The following DPYSL3 variants were observed in gnomAD, a reference collection of about 807,000 sequenced individuals.
DPYSL3 encodes the protein dihydropyrimidinase-related protein 3.
A neutral mutation model predicts 66.1 loss-of-function variants in DPYSL3; 16 were observed. The ratio of observed to expected loss-of-function variants is 0.24; its 90% confidence interval spans 0.16 to 0.37. The LOEUF (loss-of-function observed/expected upper bound fraction) is 0.37. Ranked by LOEUF, DPYSL3 falls within the 10% of genes least tolerant of loss-of-function variation. The pLI is 1.00. For missense variants in DPYSL3, 738 were observed against 916.2 expected (o/e 0.81, Z 2.51); for synonymous variants, 338 against 345.1 (o/e 0.98, Z 0.23).
chr5:147,469,869 T>C (rs918673065), intron 1 of DPYSL3, among the ~76,000 whole-genome samples: 2 of 152,200 alleles, frequency 1.3e-5, no homozygotes, highest in Non-Finnish European at 2.9e-5. Context: ...AGCGCCTCAG[T>C]TACAATACAG....
intron 1 of DPYSL3, among the ~76,000 whole-genome samples, chr5:147,433,772 G>A (rs1417958736): frequency 1.3e-5 from 2 of 152,172 alleles, no homozygotes; most frequent in Non-Finnish European, 2.9e-5. Context: ...AGTGGCTCAC[G>A]CCTGTAATCC....
chr5:147,395,993 G>A lies in DPYSL3; in HGVS notation c.1804-272C>T, dbSNP rs569818572. On this transcript the variant is annotated intron_variant, in intron 12 of 13. Coordinates refer to ENST00000343218, the MANE Select transcript of DPYSL3 (RefSeq NM_001197294.2). ...CGTTGCTATGGGGTTGGGGTTGCCA[G>A]AGGGAGGAGGTTGGAGGGATACCGG... is the stretch of plus-strand genomic sequence containing the variant. Among the ~76,000 whole-genome samples the A allele has an allele frequency of 1.4e-4, 22 of 152,280 alleles. No individual in the cohort carries two copies. The South Asian group carries it at 2.3e-3, about 16-fold the overall frequency.
At chr5:147,449,248 G>A (rs1017109968) in intron 1 of DPYSL3, among the ~76,000 whole-genome samples, 3 of 152,052 alleles carry the variant, frequency 2.0e-5, no homozygotes, top group South Asian at 2.1e-4. Flanking sequence ...TCACTTCTCC[G>A]AAAAAGAAAA....
At chr5:147,441,211 A>G (rs949205823) in intron 1 of DPYSL3, among the ~76,000 whole-genome samples, 1 of 152,168 alleles carries the variant, frequency 6.6e-6, no homozygotes, top group Non-Finnish European at 1.5e-5. Context: ...ATAACAAAGT[A>G]CCACAGGCTG....
At chr5:147,444,203 A>C (rs1192418262) in intron 1 of DPYSL3, among the ~76,000 whole-genome samples, 1 of 152,140 alleles carries the variant, frequency 6.6e-6, no homozygotes, top group Non-Finnish European at 1.5e-5. Flanking sequence ...AAGTCACATA[A>C]ACTTAAGTTT....
chr5:147,400,689 T>A lies in DPYSL3; in HGVS notation c.1452+3A>T. On this transcript the variant is annotated splice_donor_region_variant and intron_variant, in intron 10 of 13. Transcript: ENST00000343218. Reference sequence around the variant, plus strand: ...CCACCCTCCCATGACCTCCATGCCTTACCACAGCCTTGTCCCAGATGACAG... The same window carrying A: ...CCACCCTCCCATGACCTCCATGCCTAACCACAGCCTTGTCCCAGATGACAG... 1 of 1,613,918 alleles carries A rather than the reference T, an allele frequency of 6.2e-7. No homozygotes were observed. The highest frequency in any genetic ancestry group is 2.2e-5 in the East Asian group (1 of 44,882).
At chr5:147,433,793 G>A (rs531363185) in intron 1 of DPYSL3, among the ~76,000 whole-genome samples, 1 of 152,276 alleles carries the variant, frequency 6.6e-6, no homozygotes, top group African/African-American at 2.4e-5. Context: ...CAGCACTCTG[G>A]GCGGCCAAGG....
chr5:147,450,810 C>T (rs551896419), intron 1 of DPYSL3, among the ~76,000 whole-genome samples: 1 of 152,298 alleles, frequency 6.6e-6, no homozygotes, highest in Admixed American at 6.5e-5. Context: ...AGACTGCCCC[C>T]ACTAGTCCTC....
intron 1 of DPYSL3, among the ~76,000 whole-genome samples, chr5:147,498,046 A>G (rs1363417065): frequency 6.6e-6 from 1 of 151,800 alleles, no homozygotes. Context: ...CACTAAGCCT[A>G]GTACTCATTA....
intron 2 of DPYSL3, 60 bp from the exon 3 acceptor site, chr5:147,418,691 C>T: frequency 4.1e-6 from 6 of 1,454,158 alleles, no homozygotes; most frequent in Non-Finnish European, 5.6e-6. Context: ...AGTGCAATTT[C>T]CAAGACAAAT....
intron 13 of DPYSL3, 123 bp downstream of exon 13, chr5:147,395,436 T>TTG (rs1325277213): frequency 1.6e-6 from 2 of 1,214,408 alleles, no homozygotes; most frequent in African/African-American, 3.0e-5. Context: ...CTCCCTAAAG[T>TTG]TGACACCAGT....
intron 1 of DPYSL3, among the ~76,000 whole-genome samples, chr5:147,478,312 T>C (rs1372115541): frequency 6.6e-6 from 1 of 152,208 alleles, no homozygotes; most frequent in Non-Finnish European, 1.5e-5. Context: ...CTGGAACATG[T>C]AGTTTTTTAA....
intron 1 of DPYSL3, among the ~76,000 whole-genome samples, chr5:147,454,526 C>G (rs926687562): frequency 2.0e-5 from 3 of 152,232 alleles, no homozygotes; most frequent in African/African-American, 7.2e-5. Flanking sequence ...TAAAGAAACT[C>G]CACTGCCTGA....
chr5:147,438,710 C>G (rs1015139226), intron 1 of DPYSL3, among the ~76,000 whole-genome samples: 1 of 152,188 alleles, frequency 6.6e-6, no homozygotes, highest in Non-Finnish European at 1.5e-5. Context: ...TGTGATGTGT[C>G]TCTGCTCAGA....
intron 1 of DPYSL3, among the ~76,000 whole-genome samples, chr5:147,430,267 G>A (rs1478150470): frequency 1.8e-4 from 27 of 152,114 alleles, no homozygotes; most frequent in Admixed American, 5.2e-4. Flanking sequence ...AGGCCGAGGC[G>A]GGTGGGTCAC....
Position 147,397,696 on chromosome 5 carries a change from A to G in DPYSL3, c.1773T>C (p.Tyr591=), listed in dbSNP as rs1758033133. The G allele has an allele frequency of 2.0e-5, 33 of 1,614,118 alleles. No homozygotes were observed. The highest frequency in any genetic ancestry group is 2.8e-5 in the Non-Finnish European group (33 of 1,180,010). ...RFIPCSPFSD[Y]VYKRIKARRK... ...TCCGTGCTTTAATGCGCTTGTAGAC[A>G]TAGTCGGAGAACGGGCTGCAGGGTA... Residue 591 remains tyrosine (Y), a synonymous_variant, in exon 12 of 14, where the codon TAT becomes TAC. Transcript: ENST00000343218.
chr5:147,398,336 A>G (rs1758058751), intron 11 of DPYSL3, among the ~76,000 whole-genome samples: 1 of 152,210 alleles, frequency 6.6e-6, no homozygotes. Context: ...AATTAAGAAC[A>G]TCAGTTTAGA....
At chr5:147,420,470 C>G (rs1561781156) in intron 2 of DPYSL3, among the ~76,000 whole-genome samples, 1 of 152,084 alleles carries the variant, frequency 6.6e-6, no homozygotes. Flanking sequence ...TATCTCAGTT[C>G]CCCTAAAAGA....
intron 1 of DPYSL3, among the ~76,000 whole-genome samples, chr5:147,427,453 G>A (rs1752218268): frequency 6.6e-6 from 1 of 152,170 alleles, no homozygotes; most frequent in Non-Finnish European, 1.5e-5. Flanking sequence ...TGATGTAAAG[G>A]TGTCTGGGTC....
Sources: gnomAD v4.1 joint callset for allele counts (sites outside exome capture counted in the v4.1 genomes callset) on GRCh38, gnomAD v4.1.1 for gene constraint, MANE v1.5 for transcripts, NCBI Gene and HGNC (gene_info 2026-07-23, HGNC 2026-07-21) for gene names.